The following N4BP2 variants were observed in gnomAD, a reference collection of about 807,000 sequenced individuals.
N4BP2 encodes the protein NEDD4 binding protein 2.
Under a neutral mutation model 152.8 loss-of-function variants are expected in N4BP2, and 91 were observed. The ratio of observed to expected loss-of-function variants is 0.60; its 90% confidence interval spans 0.50 to 0.71. The LOEUF (loss-of-function observed/expected upper bound fraction) is 0.71, where lower values mean the gene tolerates loss of function less well. N4BP2 is among the 30% of genes least tolerant of loss of function. The pLI is 0.00. For synonymous variants in N4BP2, 646 were observed against 705.3 expected, an observed-to-expected ratio of 0.92 and a Z score of 1.33; for missense variants, 1,923 against 2,059.1, an observed-to-expected ratio of 0.93 and a Z score of 1.28.
the N4BP2 span, among the ~76,000 whole-genome samples, chr4:40,177,269 G>A: frequency 6.6e-6 from 1 of 152,300 alleles, no homozygotes; most frequent in Middle Eastern, 3.4e-3. Context: ...CTGGTACCAT[G>A]CAGAGGGAAG....
In N4BP2 at chr4:40,156,738, ATTCAAAATCTGAAATGC is replaced by A. The variant is rs1160802644; in HGVS notation, c.*2517_*2533del. On this transcript the variant is annotated 3_prime_UTR_variant, in exon 18 of 18. Transcript: ENST00000261435. ...TAGGTTGAGTATCCCTAATGAGAAA[ATTCAAAATCTGAAATGC>A]TTCAAAATCTGAAATTTTTCGAGCA... The A allele has an allele frequency of 6.6e-6, 1 of 152,126 alleles. No individual in the cohort carries two copies. Among genetic ancestry groups the A allele is most frequent in the South Asian group, 2.1e-4 (1 of 4,826 alleles). 9.4% of individuals were successfully genotyped at this position (152,126 alleles called of 1,614,324 possible). A position where few individuals can be genotyped will look rare whatever the true frequency, so the allele number is the denominator to read the frequency against.
At chr4:40,073,275 A>G (rs1445066627) in intron 1 of N4BP2, among the ~76,000 whole-genome samples, 180 bp from the exon 2 acceptor site, 1 of 152,146 alleles carries the variant, frequency 6.6e-6, no homozygotes, top group Non-Finnish European at 1.5e-5. Flanking sequence ...AGACTTTTTC[A>G]GAGTGCAATA....
At chr4:40,110,209 C>T (rs985940705) in intron 5 of N4BP2, among the ~76,000 whole-genome samples, 9 of 152,134 alleles carry the variant, frequency 5.9e-5, no homozygotes, top group African/African-American at 2.2e-4. Flanking sequence ...TTTTATTAAT[C>T]TATTCATCAG....
chr4:40,109,302 G>A (rs1200885389), intron 5 of N4BP2, among the ~76,000 whole-genome samples: 1 of 152,192 alleles, frequency 6.6e-6, no homozygotes, highest in Non-Finnish European at 1.5e-5. Flanking sequence ...GGATTCACCA[G>A]TTACTAGCTA....
chr4:40,097,931 C>T (rs1415672764), intron 3 of N4BP2, among the ~76,000 whole-genome samples: 1 of 152,254 alleles, frequency 6.6e-6, no homozygotes, highest in Non-Finnish European at 1.5e-5. Context: ...CGTCCCTGGC[C>T]TGTACACGCT....
chr4:40,165,985 C>G, the N4BP2 span, among the ~76,000 whole-genome samples: 1 of 152,148 alleles, frequency 6.6e-6, no homozygotes, highest in Non-Finnish European at 1.5e-5. Context: ...CATTTTCTTT[C>G]TGTTTTCTTC....
At chr4:40,117,744 A>G (rs1214733327) in intron 7 of N4BP2, 125 bp from the exon 8 acceptor site, 2 of 718,590 alleles carry the variant, frequency 2.8e-6, no homozygotes, top group African/African-American at 3.6e-5. Context: ...TTGTGGTCAC[A>G]ATAAAGCAGC....
At position 40,120,075 on chromosome 4, in the gene N4BP2, A is replaced by G; in HGVS notation, c.1964A>G (p.Asn655Ser). 1.9e-6 allele frequency: 3 copies of G among 1,612,276 alleles called. No individual in the cohort carries two copies. Among genetic ancestry groups the G allele is most frequent in the Non-Finnish European group, 1.7e-6 (2 of 1,178,978 alleles). Residue 655 changes from asparagine to serine, a missense_variant, in exon 9 of 18, where the codon AAT becomes AGT. Transcript: ENST00000261435. ...MLPENVAYLS[N>S]ADLNKRRKEI... ...CCTGAGAATGTTGCATATCTCTCTA[A>G]TGCAGATTTAAACAAAAGAAGAAAA...
the N4BP2 span, among the ~76,000 whole-genome samples, chr4:40,163,467 A>T: frequency 3.3e-5 from 5 of 152,378 alleles, no homozygotes; most frequent in Admixed American, 1.3e-4. Flanking sequence ...CTTGCCAGTG[A>T]TTAGTTGGAG....
chr4:40,099,609 T>C (rs1715431182), intron 3 of N4BP2, among the ~76,000 whole-genome samples: 1 of 152,204 alleles, frequency 6.6e-6, no homozygotes, highest in Non-Finnish European at 1.5e-5. Context: ...GTTTTTTTAA[T>C]AAAGAGGAAT....
intron 7 of N4BP2, among the ~76,000 whole-genome samples, chr4:40,117,251 C>G (rs1371326854): frequency 1.3e-5 from 2 of 152,200 alleles, no homozygotes; most frequent in Non-Finnish European, 2.9e-5. Flanking sequence ...CCCTTAACCT[C>G]TCTTTCATAT....
intron 14 of N4BP2, among the ~76,000 whole-genome samples, chr4:40,140,101 T>A (rs1579121765): frequency 6.6e-6 from 1 of 152,286 alleles, no homozygotes; most frequent in South Asian, 2.1e-4. Flanking sequence ...CTTATTTTTT[T>A]ATTTTATTTT....
At chr4:40,062,033 A>G (rs529878118) in intron 1 of N4BP2, among the ~76,000 whole-genome samples, 51 of 133,662 alleles carry the variant, frequency 3.8e-4, no homozygotes, top group African/African-American at 1.2e-3. Flanking sequence ...GGTTTTATTT[A>G]TTTATTTATT....
chr4:40,075,459 C>T (rs531706391), intron 2 of N4BP2, among the ~76,000 whole-genome samples: 1 of 151,310 alleles, frequency 6.6e-6, no homozygotes, highest in Non-Finnish European at 1.5e-5. Context: ...AGTGCAGTGG[C>T]GCGATCTTAG....
chr4:40,180,795 G>C, the N4BP2 span, among the ~76,000 whole-genome samples: 3 of 152,110 alleles, frequency 2.0e-5, no homozygotes, highest in East Asian at 5.8e-4. Flanking sequence ...ATATTGATTG[G>C]TGAAAACAAA....
chr4:40,078,902 A>G (rs1713062811), intron 2 of N4BP2, among the ~76,000 whole-genome samples: 1 of 152,046 alleles, frequency 6.6e-6, no homozygotes, highest in African/African-American at 2.4e-5. Flanking sequence ...AAAATCTGTA[A>G]TAAAATTGTG....
chr4:40,070,345 A>G (rs1201124217), intron 1 of N4BP2, among the ~76,000 whole-genome samples: 1 of 152,228 alleles, frequency 6.6e-6, no homozygotes, highest in African/African-American at 2.4e-5. Context: ...AAGAAGACGT[A>G]TATCTTCAGA....
At chr4:40,057,402 A>G (rs1450909756) in intron 1 of N4BP2, among the ~76,000 whole-genome samples, 1 of 152,138 alleles carries the variant, frequency 6.6e-6, no homozygotes, top group African/African-American at 2.4e-5. Flanking sequence ...CCGGGACCTG[A>G]CCTTGCGCCC....
At chr4:40,141,798 A>G (rs932078458) in intron 14 of N4BP2, among the ~76,000 whole-genome samples, 3 of 152,212 alleles carry the variant, frequency 2.0e-5, no homozygotes, top group Non-Finnish European at 4.4e-5. Flanking sequence ...CCTGGGCAAC[A>G]TTGAGCACTG....
Sources: gnomAD v4.1 joint callset for allele counts (sites outside exome capture counted in the v4.1 genomes callset) on GRCh38, gnomAD v4.1.1 for gene constraint, MANE v1.5 for transcripts, NCBI Gene and HGNC (gene_info 2026-07-23, HGNC 2026-07-21) for gene names.